The following SYNPR variants were observed in gnomAD, a reference collection of about 807,000 sequenced individuals.
SYNPR encodes synaptoporin.
In SYNPR, 23 loss-of-function variants were observed where a neutral mutation model predicts 32.9. The observed-to-expected ratio is 0.70, with a 90% CI of 0.50 to 0.99. SYNPR has a LOEUF of 0.99. SYNPR is among the 50% of genes least tolerant of loss of function. The probability of loss-of-function intolerance (pLI) is 0.00; values close to 1 mark genes in which losing one functional copy is unlikely to be tolerated. For synonymous variants in SYNPR, 146 were observed against 135.9 expected (o/e 1.07, Z -0.52); for missense variants, 318 against 349.3 (o/e 0.91, Z 0.71).
intron 2 of SYNPR, among the ~76,000 whole-genome samples, chr3:63,376,574 T>C (rs1175621549): frequency 6.6e-6 from 1 of 152,138 alleles, no homozygotes; most frequent in Non-Finnish European, 1.5e-5. Context: ...GTTGCTGAAC[T>C]CTCAGACCTG....
chr3:63,520,822 C>A (rs4399889), intron 3 of SYNPR, among the ~76,000 whole-genome samples: 81,635 of 152,056 alleles, frequency 0.54, 22,191 homozygotes, highest in South Asian at 0.68. Flanking sequence ...GTCTACCCTG[C>A]AGGGTCTGCC....
rs565474931 is a variant in SYNPR, at chr3:63,335,024, T to C, written c.84+56282T>C. On this transcript the variant is annotated intron_variant, in intron 2 of 5. Transcript: ENST00000478300. ...GAGTCCAGGGAGAGACAACTGTTAA[T>C]AGGTTGATGCAAAAGTAATTGCGGT... Among the ~76,000 whole-genome samples the C allele has an allele frequency of 3.9e-5, 6 of 152,218 alleles. No individual in the cohort carries two copies. In the South Asian group the frequency reaches 1.2e-3, roughly 32 times the overall value.
intron 2 of SYNPR, among the ~76,000 whole-genome samples, chr3:63,479,446 G>GCGTGCGCACACACACACACACA (rs6147854): frequency 7.4e-6 from 1 of 135,742 alleles, no homozygotes; most frequent in Admixed American, 7.0e-5. Context: ...CCACACACAT[G>GCGTGCGCACACACACACACACA]CACACACACA....
At chr3:63,270,538 C>A (rs958182704) in intron 3 of SYNPR, among the ~76,000 whole-genome samples, 1 of 152,140 alleles carries the variant, frequency 6.6e-6, no homozygotes, top group Non-Finnish European at 1.5e-5. Flanking sequence ...TCATCAATAT[C>A]TTCAGATTCC....
At chr3:63,413,207 T>C (rs146675209) in intron 2 of SYNPR, among the ~76,000 whole-genome samples, 144 of 152,288 alleles carry the variant, frequency 9.5e-4, no homozygotes, top group African/African-American at 3.0e-3. Context: ...ACGAAGCAAA[T>C]TTGGAACAAG....
At position 63,609,210 on chromosome 3, in the gene SYNPR, C is replaced by A; in HGVS notation, c.494C>A (p.Ala165Glu). Residue 165 changes from alanine (A) to glutamate (E), a missense_variant, in exon 5 of 6, where the codon GCA becomes GAA. Physicochemically the swap from Ala to Glu is moderately radical, Grantham distance 107. Coordinates refer to ENST00000478300, the MANE Select transcript of SYNPR (RefSeq NM_001130003.2). The part of the protein sequence containing the change: ...WAKGLSDVKV[A>E]TDPKEVLLLM... ...AAAGGACTGTCTGACGTCAAAGTTG[C>A]AACGGATCCCAAGGAAGTATTGCTA... 1 of 1,609,884 alleles carries A rather than the reference C, an allele frequency of 6.2e-7. No homozygotes were observed. Among genetic ancestry groups the A allele is most frequent in the Non-Finnish European group, 8.5e-7 (1 of 1,178,020 alleles).
rs566365438 is a variant in SYNPR, at chr3:63,532,931, T to C, written c.210-23612T>C. On this transcript the variant is annotated intron_variant, in intron 3 of 5. Coordinates refer to ENST00000478300, the MANE Select transcript of SYNPR (RefSeq NM_001130003.2). The stretch of plus-strand genomic sequence containing the variant: ...GAGATAATTGGTCACTGGGTACTTA[T>C]AGGAGGATTAGTCCACTTGAAGTTT... Among the ~76,000 whole-genome samples the C allele has an allele frequency of 8.7e-4, 133 of 152,352 alleles. 2 individuals are homozygous for C. Among genetic ancestry groups the C allele is most frequent in the African/African-American group, 2.7e-3 (111 of 41,594 alleles).
chr3:63,403,147 C>A (rs139573526), intron 2 of SYNPR, among the ~76,000 whole-genome samples: 1 of 152,048 alleles, frequency 6.6e-6, no homozygotes, highest in Admixed American at 6.6e-5. Context: ...CCCACTAAAG[C>A]GTATTTTCTT....
chr3:63,275,232 A>T (rs1024139321), upstream of SYNPR, among the ~76,000 whole-genome samples: 1 of 152,168 alleles, frequency 6.6e-6, no homozygotes, highest in African/African-American at 2.4e-5. Flanking sequence ...TATCTCCCCT[A>T]ATCTAGTTCT....
At chr3:63,460,328 T>C (rs534766796) in intron 2 of SYNPR, among the ~76,000 whole-genome samples, 4 of 152,152 alleles carry the variant, frequency 2.6e-5, no homozygotes, top group South Asian at 2.1e-4. Context: ...AGTCTTTACA[T>C]GTACCGTAAT....
At chr3:63,306,412 A>T (rs1162801423) in intron 2 of SYNPR, among the ~76,000 whole-genome samples, 2 of 151,936 alleles carry the variant, frequency 1.3e-5, no homozygotes, top group African/African-American at 4.8e-5. Flanking sequence ...TATAAATAGG[A>T]TAGCTGTACT....
intron 2 of SYNPR, among the ~76,000 whole-genome samples, chr3:63,266,884 T>C (rs2086494770): frequency 6.6e-6 from 1 of 152,090 alleles, no homozygotes. Flanking sequence ...ATTATTAAGA[T>C]ATTTTCATTT....
At chr3:63,270,166 C>A (rs1413453050) in intron 3 of SYNPR, among the ~76,000 whole-genome samples, 1 of 152,010 alleles carries the variant, frequency 6.6e-6, no homozygotes, top group Non-Finnish European at 1.5e-5. Flanking sequence ...CTCTCGGAAC[C>A]AAAAAACCAA....
At chr3:63,317,424 G>A (rs1465338939) in intron 2 of SYNPR, among the ~76,000 whole-genome samples, 2 of 151,706 alleles carry the variant, frequency 1.3e-5, no homozygotes, top group Non-Finnish European at 2.9e-5. Context: ...CCAGTGTTAG[G>A]TGCATATATG....
chr3:63,382,824 C>A (rs1560211866), intron 2 of SYNPR, among the ~76,000 whole-genome samples: 1 of 152,148 alleles, frequency 6.6e-6, no homozygotes, highest in African/African-American at 2.4e-5. Flanking sequence ...TACTTTCCCA[C>A]CTCTTGCCTT....
chr3:63,536,581 T>C (rs1702212848), intron 3 of SYNPR, among the ~76,000 whole-genome samples: 1 of 152,180 alleles, frequency 6.6e-6, no homozygotes, highest in Non-Finnish European at 1.5e-5. Context: ...TATGATTATG[T>C]TACCACTAAA....
intron 2 of SYNPR, among the ~76,000 whole-genome samples, chr3:63,466,008 G>T (rs1221597738): frequency 1.3e-5 from 2 of 152,046 alleles, no homozygotes; most frequent in Non-Finnish European, 2.9e-5. Flanking sequence ...CATCACCCAG[G>T]TGTTAACCCT....
Position 63,613,384 on chromosome 3 carries a change from C to T in SYNPR, c.601-1840C>T, listed in dbSNP as rs1463279240. The stretch of plus-strand genomic sequence containing the variant: ...TCAAGCAACTATTATACCTTATTTA[C>T]GTTTTGTATCTCCCTCAGCAGGTAG... On this transcript the variant is annotated intron_variant, in intron 5 of 5. Transcript: ENST00000478300. Among the ~76,000 whole-genome samples, 8 of 151,760 alleles carry T rather than the reference C, an allele frequency of 5.3e-5. No homozygotes were observed. The South Asian group carries it at 1.5e-3, about 28-fold the overall frequency.
chr3:63,578,230 C>T (rs1703026504), intron 4 of SYNPR, among the ~76,000 whole-genome samples: 1 of 152,170 alleles, frequency 6.6e-6, no homozygotes, highest in Non-Finnish European at 1.5e-5. Context: ...GTTCTCACTT[C>T]ACTTCTGGCT....
Sources: gnomAD v4.1 joint callset for allele counts (sites outside exome capture counted in the v4.1 genomes callset) on GRCh38, gnomAD v4.1.1 for gene constraint, MANE v1.5 for transcripts, NCBI Gene and HGNC (gene_info 2026-07-23, HGNC 2026-07-21) for gene names.